Variants in SLC24A2 observed in about 807,000 individuals in gnomAD.
SLC24A2 encodes the protein solute carrier family 24 member 2.
In SLC24A2, 36 loss-of-function variants were observed where a neutral mutation model predicts 62.0. The observed-to-expected ratio is 0.58, with a 90% confidence interval of 0.44 to 0.77. SLC24A2 has a LOEUF of 0.77. SLC24A2 is among the 30% of genes least tolerant of loss of function. The pLI is 0.00. For synonymous variants in SLC24A2, 358 were observed against 294.0 expected, an observed-to-expected ratio of 1.22 and a Z score of -2.23; for missense variants, 846 against 817.9, an observed-to-expected ratio of 1.03 and a Z score of -0.42.
At chr9:20,198,535 C>G in the SLC24A2 span, among the ~76,000 whole-genome samples, 1 of 152,190 alleles carries the variant, frequency 6.6e-6, no homozygotes, top group Non-Finnish European at 1.5e-5. Context: ...GTCCAGCAGG[C>G]TCATCCCAAT....
At chr9:20,084,139 C>T in the SLC24A2 span, among the ~76,000 whole-genome samples, 1 of 152,226 alleles carries the variant, frequency 6.6e-6, no homozygotes, top group Non-Finnish European at 1.5e-5. Context: ...CCACAGAAGC[C>T]TGTAACTCAC....
the SLC24A2 span, among the ~76,000 whole-genome samples, chr9:19,905,967 C>A: frequency 2.6e-5 from 4 of 152,134 alleles, no homozygotes; most frequent in Admixed American, 2.6e-4. Context: ...CAGCTCTGCA[C>A]CAAGCAGACC....
chr9:20,071,065 T>C, the SLC24A2 span, among the ~76,000 whole-genome samples: 1 of 152,182 alleles, frequency 6.6e-6, no homozygotes, highest in African/African-American at 2.4e-5. Context: ...TCTCTCTTCT[T>C]CCTCTTTGGC....
At chr9:19,791,768 T>C (rs1823323011), upstream of SLC24A2, among the ~76,000 whole-genome samples, 5 of 152,258 alleles carry the variant, frequency 3.3e-5, no homozygotes, top group South Asian at 8.3e-4. Context: ...AAATGAGTTA[T>C]TAAACAGTAG....
chr9:19,556,649 T>G (rs1211355903), intron 7 of SLC24A2, among the ~76,000 whole-genome samples: 1 of 152,212 alleles, frequency 6.6e-6, no homozygotes, highest in Non-Finnish European at 1.5e-5. Flanking sequence ...CCCGGCTCAC[T>G]GTAACACTTA....
chr9:19,844,304 T>G, the SLC24A2 span, among the ~76,000 whole-genome samples: 957 of 152,330 alleles, frequency 6.3e-3, 2 homozygotes, highest in Non-Finnish European at 0.011. Flanking sequence ...GTTTGTTGGC[T>G]GCTTGGATGT....
chr9:19,878,760 C>A, the SLC24A2 span, among the ~76,000 whole-genome samples: 2 of 152,134 alleles, frequency 1.3e-5, no homozygotes, highest in Non-Finnish European at 2.9e-5. Flanking sequence ...CCCAGCCATG[C>A]TTCCTATACA....
At chr9:19,875,776 G>A in the SLC24A2 span, among the ~76,000 whole-genome samples, 3 of 152,142 alleles carry the variant, frequency 2.0e-5, no homozygotes, top group East Asian at 1.9e-4. Flanking sequence ...ATTCTTCTAC[G>A]AATGTGCTTA....
At chr9:19,837,446 G>A in the SLC24A2 span, among the ~76,000 whole-genome samples, 27 of 99,172 alleles carry the variant, frequency 2.7e-4, no homozygotes, top group African/African-American at 4.6e-4. Flanking sequence ...GCGACAGAGC[G>A]AGACTCCGTC....
chr9:19,694,954 A>T (rs553848248), intron 2 of SLC24A2, among the ~76,000 whole-genome samples: 80 of 151,756 alleles, frequency 5.3e-4, no homozygotes, highest in Non-Finnish European at 9.3e-4. Context: ...TCCGGCAAAG[A>T]TGGGAGCTGG....
chr9:19,806,093 T>A, the SLC24A2 span, among the ~76,000 whole-genome samples: 123,175 of 152,024 alleles, frequency 0.81, 51,254 homozygotes, highest in Non-Finnish European at 0.92. Flanking sequence ...AGGATAACTC[T>A]GACTAAAAAG....
chr9:19,772,544 T>G (rs1469437906), intron 2 of SLC24A2, among the ~76,000 whole-genome samples: 1 of 152,088 alleles, frequency 6.6e-6, no homozygotes, highest in East Asian at 1.9e-4. Context: ...TAGCCCAATT[T>G]AAAAATGGAC....
chr9:19,785,084 A>C (rs1262307291), intron 2 of SLC24A2, among the ~76,000 whole-genome samples: 1 of 152,336 alleles, frequency 6.6e-6, no homozygotes, highest in African/African-American at 2.4e-5. Context: ...GCTAGGATAT[A>C]AATCAGAACT....
chr9:20,212,643 A>C, the SLC24A2 span, among the ~76,000 whole-genome samples: 2 of 151,878 alleles, frequency 1.3e-5, no homozygotes, highest in South Asian at 4.1e-4. Flanking sequence ...GCCAGGGATA[A>C]ATAAGGAAAT....
the SLC24A2 span, among the ~76,000 whole-genome samples, chr9:19,868,264 T>C: frequency 5.9e-5 from 9 of 152,212 alleles, no homozygotes; most frequent in African/African-American, 2.2e-4. Context: ...CTTTGATCTA[T>C]TAGAGGCTTA....
At chr9:19,851,316 C>T in the SLC24A2 span, among the ~76,000 whole-genome samples, 550 of 151,690 alleles carry the variant, frequency 3.6e-3, 1 homozygote, top group African/African-American at 0.012. Flanking sequence ...TGAGCTACTG[C>T]GCCTGGCCCA....
chr9:19,516,071 T>C lies in SLC24A2; in HGVS notation c.*82A>G. ...CACCCAGGGCTGTGTGCCAGCTGCC[T>C]CTTCTCAAGAGGTCAAGGAGCCCAG... On this transcript the variant is annotated 3_prime_UTR_variant, in exon 11 of 11. Coordinates refer to ENST00000341998, the MANE Select transcript of SLC24A2 (RefSeq NM_020344.4). 6.4e-7 allele frequency: 1 copy of C among 1,570,694 alleles called. No homozygotes were observed. Among genetic ancestry groups the C allele is most frequent in the South Asian group, 1.1e-5 (1 of 89,486 alleles).
chr9:20,254,860 G>C, the SLC24A2 span, among the ~76,000 whole-genome samples: 1 of 152,178 alleles, frequency 6.6e-6, no homozygotes, highest in African/African-American at 2.4e-5. Context: ...AGTCCTGGCG[G>C]AATGTGAAGG....
At chr9:19,855,920 C>A in the SLC24A2 span, among the ~76,000 whole-genome samples, 1 of 152,002 alleles carries the variant, frequency 6.6e-6, no homozygotes, top group Non-Finnish European at 1.5e-5. Flanking sequence ...TTTCAGGTAC[C>A]CTGATCAGTC....
Sources: gnomAD v4.1 joint callset for allele counts (sites outside exome capture counted in the v4.1 genomes callset) on GRCh38, gnomAD v4.1.1 for gene constraint, MANE v1.5 for transcripts, NCBI Gene and HGNC (gene_info 2026-07-23, HGNC 2026-07-21) for gene names.